The following AGBL1 variants were observed in gnomAD, a reference collection of about 807,000 sequenced individuals.
The protein encoded by AGBL1 is AGBL carboxypeptidase 1.
Under a neutral mutation model 118.9 loss-of-function variants are expected in AGBL1, and 130 were observed. The observed-to-expected ratio is 1.09, with a 90% CI of 0.95 to 1.26. The LOEUF is 1.26. AGBL1 is among the 50% of genes most tolerant of loss of function. The pLI is 0.00. For synonymous variants in AGBL1, 555 were observed against 478.9 expected, an observed-to-expected ratio of 1.16 and a Z score of -2.08; for missense variants, 1,584 against 1,298.1, an observed-to-expected ratio of 1.22 and a Z score of -3.38.
At chr15:86,595,378 C>A (rs1354163230) in intron 21 of AGBL1, among the ~76,000 whole-genome samples, 1 of 152,172 alleles carries the variant, frequency 6.6e-6, no homozygotes. Flanking sequence ...AAAACCTACT[C>A]CTTAACCTTT....
intron 22 of AGBL1, among the ~76,000 whole-genome samples, chr15:86,775,015 A>G (rs2078234968): frequency 6.6e-6 from 1 of 152,170 alleles, no homozygotes; most frequent in African/African-American, 2.4e-5. Flanking sequence ...TCATATCCCA[A>G]AAAATACACA....
chr15:86,453,207 G>A (rs1008063767), intron 18 of AGBL1, among the ~76,000 whole-genome samples: 4 of 152,078 alleles, frequency 2.6e-5, no homozygotes, highest in Non-Finnish European at 5.9e-5. Flanking sequence ...GAATGAATAC[G>A]TGCTAAAGAA....
intron 22 of AGBL1, among the ~76,000 whole-genome samples, chr15:86,778,819 G>T (rs1475097572): frequency 6.6e-6 from 1 of 152,026 alleles, no homozygotes; most frequent in Non-Finnish European, 1.5e-5. Context: ...AGAGATTAAA[G>T]TAAAGACAGG....
chr15:86,240,163 A>C (rs533310064), intron 6 of AGBL1, among the ~76,000 whole-genome samples: 55 of 152,336 alleles, frequency 3.6e-4, no homozygotes, highest in South Asian at 1.9e-3. Context: ...AAAAGAGGGA[A>C]AGTAATACTT....
intron 21 of AGBL1, chr15:86,556,110 G>A (rs960319255): frequency 2.1e-5 from 16 of 752,658 alleles, no homozygotes; most frequent in African/African-American, 7.0e-5. Context: ...TTCTAGTCAC[G>A]TAAGTATCAG....
rs10675845 is a variant in AGBL1, at chr15:86,606,126, C to CAAAAA, written c.2994+51602_2994+51606dup. ...TGGGTGACAGAGCAAGACTCCATCT[C>CAAAAA]AAAAAAAAAAAAAAAAAGAGTAAAG... is the stretch of plus-strand genomic sequence containing the variant. On this transcript the variant is annotated intron_variant, in intron 21 of 22. Transcript: ENST00000614907. 1.9e-3 allele frequency among the ~76,000 whole-genome samples: 182 copies of CAAAAA among 96,746 alleles called. 8 individuals are homozygous for CAAAAA. The highest frequency in any genetic ancestry group is 9.0e-3 in the East Asian group (25 of 2,772). The allele number at this position is 96,746 out of a possible 152,430, so 63.5% of individuals were successfully genotyped here. A position where few individuals can be genotyped will look rare whatever the true frequency, so the allele number is the denominator to read the frequency against.
At chr15:86,383,353 T>A (rs1211517532) in intron 17 of AGBL1, among the ~76,000 whole-genome samples, 2 of 150,406 alleles carry the variant, frequency 1.3e-5, no homozygotes, top group Non-Finnish European at 3.0e-5. Context: ...TTTGGGAGGC[T>A]GAGACAGGTG....
chr15:86,151,800 C>G (rs2077115334), intron 3 of AGBL1, among the ~76,000 whole-genome samples: 1 of 152,196 alleles, frequency 6.6e-6, no homozygotes, highest in Admixed American at 6.5e-5. Context: ...CCAAAATCTC[C>G]TTAAGCTGAT....
chr15:86,862,136 G>T (rs2079567359), intron 22 of AGBL1, among the ~76,000 whole-genome samples: 1 of 152,134 alleles, frequency 6.6e-6, no homozygotes, highest in African/African-American at 2.4e-5. Flanking sequence ...ATCATTTGGG[G>T]TTAAGTGACA....
chr15:86,623,669 T>C (rs2084844788), intron 21 of AGBL1, among the ~76,000 whole-genome samples: 1 of 152,188 alleles, frequency 6.6e-6, no homozygotes, highest in Non-Finnish European at 1.5e-5. Flanking sequence ...AAGAGATGCA[T>C]TTCACCCTGT....
At chr15:86,682,363 G>A (rs945739973) in intron 22 of AGBL1, among the ~76,000 whole-genome samples, 10 of 152,138 alleles carry the variant, frequency 6.6e-5, no homozygotes, top group African/African-American at 2.2e-4. Context: ...TTCATTAGCT[G>A]TTAAAAGCAA....
At chr15:86,710,891 C>T (rs2086544436) in intron 22 of AGBL1, among the ~76,000 whole-genome samples, 1 of 152,120 alleles carries the variant, frequency 6.6e-6, no homozygotes, top group African/African-American at 2.4e-5. Flanking sequence ...TCTTTGAAAC[C>T]TCAAATTTTG....
At chr15:86,975,879 T>C (rs756306325) in intron 23 of AGBL1, among the ~76,000 whole-genome samples, 37 of 152,064 alleles carry the variant, frequency 2.4e-4, no homozygotes, top group Admixed American at 3.9e-4. Flanking sequence ...ATGGAATTTC[T>C]GCATGATTGT....
intron 23 of AGBL1, among the ~76,000 whole-genome samples, chr15:86,974,814 G>T (rs1306509341): frequency 6.6e-6 from 1 of 151,698 alleles, no homozygotes; most frequent in East Asian, 1.9e-4. Flanking sequence ...GGATATGGTG[G>T]AATTTACTGT....
chr15:86,508,600 C>T (rs2142173206), intron 18 of AGBL1, among the ~76,000 whole-genome samples: 1 of 151,944 alleles, frequency 6.6e-6, no homozygotes, highest in African/African-American at 2.4e-5. Flanking sequence ...GCTTTTTCTC[C>T]TCTTATTTTT....
At chr15:86,541,622 G>A (rs1344027273) in intron 19 of AGBL1, among the ~76,000 whole-genome samples, 20 of 142,252 alleles carry the variant, frequency 1.4e-4, no homozygotes, top group African/African-American at 2.7e-4. Flanking sequence ...AAAAAAGAGA[G>A]AGAGAGAGAG....
At chr15:86,407,722 C>A (rs1431237) in intron 18 of AGBL1, among the ~76,000 whole-genome samples, 43,583 of 151,870 alleles carry the variant, frequency 0.29, 6,831 homozygotes, top group East Asian at 0.62. Flanking sequence ...ATTACTGAAG[C>A]CATACTGGGG....
intron 18 of AGBL1, among the ~76,000 whole-genome samples, chr15:86,514,067 T>C (rs1416919280): frequency 6.6e-6 from 1 of 151,968 alleles, no homozygotes; most frequent in Non-Finnish European, 1.5e-5. Flanking sequence ...ATATGTTTCT[T>C]GCTTGTTAGT....
chr15:86,917,871 A>T (rs980676700), downstream of AGBL1, among the ~76,000 whole-genome samples: 2 of 151,772 alleles, frequency 1.3e-5, no homozygotes, highest in Non-Finnish European at 2.9e-5. This position sits in a 1 kb window ranked among gnomAD's most constrained non-coding sequence, Gnocchi z 4.8. Context: ...ACTCATAAAA[A>T]AGTGATGTCC....
Sources: gnomAD v4.1 joint callset for allele counts (sites outside exome capture counted in the v4.1 genomes callset) on GRCh38, gnomAD v4.1.1 for gene constraint, Gnocchi (gnomAD v3.1) non-coding constraint, MANE v1.5 for transcripts, NCBI Gene and HGNC (gene_info 2026-07-23, HGNC 2026-07-21) for gene names.